Variants in CHIA observed in about 807,000 individuals in gnomAD.
CHIA encodes acidic mammalian chitinase.
A neutral mutation model predicts 53.5 loss-of-function variants in CHIA; 47 were observed. The ratio of observed to expected loss-of-function variants is 0.88; its 90% confidence interval spans 0.70 to 1.12. CHIA has a LOEUF of 1.12. CHIA is among the 50% of genes most tolerant of loss of function. The pLI is 0.00. For missense variants in CHIA, 652 were observed against 592.2 expected, an observed-to-expected ratio of 1.10 and a Z score of -1.05; for synonymous variants, 268 against 222.2, an observed-to-expected ratio of 1.21 and a Z score of -1.83.
In CHIA at chr1:111,314,586, G is replaced by A. The variant is rs3818822; in HGVS notation, c.304G>A (p.Gly102Arg). The A allele has an allele frequency of 0.11, 179,980 of 1,610,662 alleles. 10,911 individuals are homozygous for A. Among genetic ancestry groups the A allele is most frequent in the African/African-American group, 0.17 (12,707 of 74,874 alleles). Residue 102 changes from glycine (G) to arginine (R), a missense_variant, in exon 5 of 12, where the codon GGG (glycine) becomes AGG (arginine). Gly to Arg is a moderately radical substitution (Grantham distance 125). Coordinates refer to ENST00000369740, the MANE Select transcript of CHIA (RefSeq NM_201653.4). ...CCTGGCCATTGGAGGCTGGAACTTCGGGACTGCCCCGTAAGTCTTCTATGG... is the reference window on the plus strand; with the variant it reads ...CCTGGCCATTGGAGGCTGGAACTTCAGGACTGCCCCGTAAGTCTTCTATGG... Reference protein sequence around the residue: ...TLLAIGGWNFGTAPFTAMVST... With the variant: ...TLLAIGGWNFRTAPFTAMVST...
intron 6 of CHIA, 71 bp from the exon 7 acceptor site, chr1:111,317,610 T>C (rs928068689): frequency 1.4e-5 from 21 of 1,527,148 alleles, no homozygotes; most frequent in Non-Finnish European, 1.8e-5. Context: ...TACAGACATA[T>C]GTTTATTAGT....
At chr1:111,291,925 C>T (rs1661050376) in intron 1 of CHIA, among the ~76,000 whole-genome samples, 1 of 151,896 alleles carries the variant, frequency 6.6e-6, no homozygotes, top group Non-Finnish European at 1.5e-5. Context: ...CAGCAAGCCA[C>T]CATGGCACAT....
chr1:111,292,460 G>T (rs1435921220), intron 1 of CHIA, among the ~76,000 whole-genome samples: 3 of 152,132 alleles, frequency 2.0e-5, no homozygotes, highest in Non-Finnish European at 4.4e-5. Context: ...GACTGGCATT[G>T]GTTATTCTAA....
intron 1 of CHIA, among the ~76,000 whole-genome samples, chr1:111,292,593 A>G (rs1451421499): frequency 6.6e-6 from 1 of 152,224 alleles, no homozygotes; most frequent in African/African-American, 2.4e-5. Context: ...AAATAGACCA[A>G]AACAAATTAC....
chr1:111,313,466 C>G (rs11102245), intron 4 of CHIA, among the ~76,000 whole-genome samples: 22,836 of 152,086 alleles, frequency 0.15, 1,897 homozygotes, highest in Middle Eastern at 0.22. Flanking sequence ...AATGTCTTTT[C>G]AAGTCCTTGG....
At chr1:111,296,721 T>C (rs1357526794) in intron 1 of CHIA, among the ~76,000 whole-genome samples, 2 of 152,178 alleles carry the variant, frequency 1.3e-5, no homozygotes, top group East Asian at 3.9e-4. Flanking sequence ...ACGGAGAATA[T>C]GTTTGATGAG....
chr1:111,298,934 C>A (rs1250377546), intron 1 of CHIA, among the ~76,000 whole-genome samples: 1 of 152,130 alleles, frequency 6.6e-6, no homozygotes, highest in Non-Finnish European at 1.5e-5. Flanking sequence ...GAAATACAAA[C>A]TACCATCAGA....
At chr1:111,309,622 G>A (rs776825936) in intron 1 of CHIA, among the ~76,000 whole-genome samples, 8 of 152,218 alleles carry the variant, frequency 5.3e-5, no homozygotes, top group Non-Finnish European at 1.0e-4. Flanking sequence ...ATGTTTGAGG[G>A]CAAAGAATAG....
At chr1:111,319,751 TG>T (rs2101656840) in intron 11 of CHIA, among the ~76,000 whole-genome samples, 1 of 152,382 alleles carries the variant, frequency 6.6e-6, no homozygotes, top group East Asian at 1.9e-4. Flanking sequence ...TATAAGTATC[TG>T]CTTCTCTATG....
chr1:111,319,202 G>A lies in CHIA; in HGVS notation c.998G>A (p.Trp333Ter). The A allele has an allele frequency of 1.9e-6, 3 of 1,613,896 alleles. No individual in the cohort carries two copies. The highest frequency in any genetic ancestry group is 2.5e-6 in the Non-Finnish European group (3 of 1,180,024). The change falls in exon 10 of 12, where the codon TGG becomes TAG. Residue 333 changes from tryptophan to a stop codon, truncating the protein, a stop_gained. Coordinates refer to ENST00000369740, the MANE Select transcript of CHIA (RefSeq NM_201653.4). LOFTEE classifies it high-confidence loss of function. Reference sequence around the variant, plus strand: ...CCTTATGCCTATCAGGGCAATGTGTGGGTTGGCTATGACAACATCAAGAGC... The same window carrying A: ...CCTTATGCCTATCAGGGCAATGTGTAGGTTGGCTATGACAACATCAAGAGC... ...EVPYAYQGNVWVGYDNIKSFD... is the reference protein window; with the variant it reads ...EVPYAYQGNV
intron 1 of CHIA, among the ~76,000 whole-genome samples, chr1:111,295,628 T>C (rs988217300): frequency 3.9e-5 from 4 of 101,278 alleles, no homozygotes; most frequent in Non-Finnish European, 9.3e-5. Flanking sequence ...GGTACCGGGT[T>C]CATCTCATTG....
At chr1:111,303,184 A>T (rs572451735) in intron 1 of CHIA, among the ~76,000 whole-genome samples, 3 of 152,168 alleles carry the variant, frequency 2.0e-5, no homozygotes, top group South Asian at 2.1e-4. Flanking sequence ...GTATGGTTGG[A>T]TCATGTGTTT....
chr1:111,293,018 C>T (rs1661119629), intron 1 of CHIA, among the ~76,000 whole-genome samples: 1 of 148,538 alleles, frequency 6.7e-6, no homozygotes, highest in African/African-American at 2.5e-5. Flanking sequence ...CATGTTTTAG[C>T]TATGGTGAGT....
chr1:111,315,863 T>G (rs948644191), intron 6 of CHIA: 1 of 456,260 alleles, frequency 2.2e-6, no homozygotes, highest in Non-Finnish European at 4.4e-6. Flanking sequence ...AGGCTGCCCG[T>G]TATTACTGAG....
Position 111,317,755 on chromosome 1 carries a change from T to G in CHIA, c.555T>G (p.Ala185=). The G allele has an allele frequency of 6.2e-7, 1 of 1,613,880 alleles. No homozygotes were observed. Among genetic ancestry groups the G allele is most frequent in the South Asian group, 1.1e-5 (1 of 91,066 alleles). The part of the protein sequence containing the change: ...KPRLMVTAAV[A]AGISNIQSGY... ...GGCTGATGGTCACTGCTGCAGTAGC[T>G]GCTGGCATCTCCAATATCCAGTCTG... The change falls in exon 7 of 12, where the codon GCT becomes GCG. Residue 185 remains alanine, a synonymous_variant. Transcript: ENST00000369740.
In CHIA at chr1:111,311,808, C is replaced by G. The variant is rs1355741316; in HGVS notation, c.55+90C>G. 8.7e-6 allele frequency: 12 copies of G among 1,379,394 alleles called. No homozygotes were observed. The East Asian group carries it at 2.1e-4, about 24-fold the overall frequency. 85.4% of individuals were successfully genotyped at this position (1,379,394 alleles called of 1,614,324 possible). A position where few individuals can be genotyped will look rare whatever the true frequency, so the allele number is the denominator to read the frequency against. ...AGAGAGCCGCTGTTTGCTTCACAGA[C>G]AGATGGGTTTGATTTGGGAGTAATC... On this transcript the variant is annotated intron_variant, in intron 3 of 11. Transcript: ENST00000369740.
intron 1 of CHIA, among the ~76,000 whole-genome samples, chr1:111,307,147 T>C (rs1456613919): frequency 6.6e-6 from 1 of 152,202 alleles, no homozygotes; most frequent in Non-Finnish European, 1.5e-5. Context: ...GAGACATGTG[T>C]ACAGGAACGC....
chr1:111,305,342 C>A (rs180796483), intron 1 of CHIA, among the ~76,000 whole-genome samples: 7 of 152,274 alleles, frequency 4.6e-5, no homozygotes, highest in Admixed American at 4.6e-4. Context: ...TAGCTTGCAA[C>A]AATGGGGGGA....
rs752961062 is a variant in CHIA, at chr1:111,317,995, C to A, written c.615C>A (p.Asp205Glu). The A allele has an allele frequency of 2.5e-6, 4 of 1,614,158 alleles. No individual in the cohort carries two copies. In the South Asian group the frequency reaches 4.4e-5, roughly 18 times the overall value. The stretch of plus-strand genomic sequence containing the variant: ...CTCCACCCCACCTCAGGTACCTGGA[C>A]TACATCCATGTCATGACCTACGACC... ...YEIPQLSQYL[D>E]YIHVMTYDLH... Residue 205 changes from aspartate (D) to glutamate (E), a missense_variant, in exon 8 of 12, where the codon GAC (aspartate) becomes GAA (glutamate). Physicochemically the swap from Asp to Glu is conservative, Grantham distance 45. Transcript: ENST00000369740.
Sources: allele counts gnomAD v4.1 joint callset (sites outside exome capture counted in the v4.1 genomes callset), GRCh38; gene constraint gnomAD v4.1.1; transcripts MANE v1.5; gene names NCBI Gene and HGNC (gene_info 2026-07-23, HGNC 2026-07-21).